Variants in ERLIN1 observed in about 807,000 individuals in gnomAD.
ERLIN1 encodes ER lipid raft associated 1, also known as erlin-1.
A neutral mutation model predicts 46.9 loss-of-function variants in ERLIN1; 24 were observed. The observed-to-expected ratio is 0.51, with a 90% CI of 0.37 to 0.72. The LOEUF is 0.72. Among genes scored for constraint, ERLIN1 ranks in the 30% least tolerant of loss-of-function variants. The probability of loss-of-function intolerance (pLI) is 0.00; values close to 1 mark genes in which losing one functional copy is unlikely to be tolerated. For synonymous variants in ERLIN1, 158 were observed against 143.2 expected (o/e 1.10, Z -0.74); for missense variants, 293 against 417.9 (o/e 0.70, Z 2.61).
intron 8 of ERLIN1, among the ~76,000 whole-genome samples, chr10:100,160,848 G>C (rs1008145086): frequency 6.6e-6 from 1 of 152,138 alleles, no homozygotes; most frequent in African/African-American, 2.4e-5. Flanking sequence ...TCGAGAGGCT[G>C]AGGTGGGAAA....
rs956547614 is a variant in ERLIN1, at chr10:100,154,779, T to G, written c.825+81A>C. 2.6e-5 allele frequency: 28 copies of G among 1,085,218 alleles called. No individual in the cohort carries two copies. The African/African-American group carries it at 3.9e-4, about 15-fold the overall frequency. The allele number at this position is 1,085,218 out of a possible 1,614,324, so 67.2% of individuals were successfully genotyped here. A position where few individuals can be genotyped will look rare whatever the true frequency, so the allele number is the denominator to read the frequency against. On this transcript the variant is annotated intron_variant, in intron 10 of 10. Coordinates refer to ENST00000421367, the MANE Select transcript of ERLIN1 (RefSeq NM_006459.4). Reference sequence around the variant, plus strand: ...CTTTCTTGACAATGGATAAAATCACTTCTATCATATCAGAGCTCCTGAAAA... The same window carrying G: ...CTTTCTTGACAATGGATAAAATCACGTCTATCATATCAGAGCTCCTGAAAA...
intron 8 of ERLIN1, among the ~76,000 whole-genome samples, chr10:100,161,530 A>G (rs1184605426): frequency 2.6e-5 from 4 of 152,162 alleles, no homozygotes; most frequent in Non-Finnish European, 5.9e-5. Context: ...ATCCCAACAC[A>G]ATATTTCACA....
intron 6 of ERLIN1, among the ~76,000 whole-genome samples, chr10:100,168,175 G>A (rs1843753042): frequency 6.6e-6 from 1 of 152,036 alleles, no homozygotes. Flanking sequence ...ACGATACCCC[G>A]CCGCCCCACC....
chr10:100,157,865 C>A (rs935881068), intron 8 of ERLIN1, among the ~76,000 whole-genome samples: 2 of 152,174 alleles, frequency 1.3e-5, no homozygotes, highest in Admixed American at 6.5e-5. Context: ...ATAAAAAGCA[C>A]GACCAGACTT....
intron 6 of ERLIN1, among the ~76,000 whole-genome samples, chr10:100,172,928 A>C (rs1213794051): frequency 6.6e-6 from 1 of 152,176 alleles, no homozygotes; most frequent in Middle Eastern, 3.2e-3. Flanking sequence ...TGACCTTCAC[A>C]TTCACTATCT....
intron 2 of ERLIN1, among the ~76,000 whole-genome samples, chr10:100,182,128 T>C (rs1326111297): frequency 6.6e-6 from 1 of 151,948 alleles, no homozygotes; most frequent in Non-Finnish European, 1.5e-5. Flanking sequence ...CTTAACATAC[T>C]AAGCATGAAG....
Position 100,156,369 on chromosome 10 carries a change from T to C in ERLIN1, c.656-135A>G, listed in dbSNP as rs1014936002. The C allele has an allele frequency of 5.4e-5, 34 of 627,560 alleles. 1 individual carries two copies. The highest frequency in any genetic ancestry group is 3.6e-4 in the South Asian group (19 of 52,726). The allele number at this position is 627,560 out of a possible 1,614,324, so 38.9% of individuals were successfully genotyped here. ...GCTAATTGTTTCACTAAGTTTTATC[T>C]AGTCAGACTGTAAACTACTCAAAGG... On this transcript the variant is annotated intron_variant, in intron 8 of 10. Transcript: ENST00000421367.
intron 6 of ERLIN1, among the ~76,000 whole-genome samples, chr10:100,167,784 T>C (rs560206733): frequency 1.3e-5 from 2 of 152,326 alleles, no homozygotes; most frequent in East Asian, 1.9e-4. Flanking sequence ...AAGACTGAAA[T>C]TGTAAAGTCA....
chr10:100,184,138 A>G (rs1052936303), intron 1 of ERLIN1, among the ~76,000 whole-genome samples: 2 of 152,234 alleles, frequency 1.3e-5, no homozygotes, highest in Non-Finnish European at 2.9e-5. Flanking sequence ...TCTGAGAAAT[A>G]TTTGTTTAAA....
intron 9 of ERLIN1, 59 bp downstream of exon 9, chr10:100,156,086 T>C: frequency 9.3e-7 from 1 of 1,080,128 alleles, no homozygotes; most frequent in Non-Finnish European, 1.4e-6. Flanking sequence ...GCCTGAACCC[T>C]GGAGCAGAGA....
rs1842805161 is a variant in ERLIN1 at position 100,151,629 on chromosome 10, C to G, written c.*502G>C. ...AAGATCATTTCCTGGGGAACTTCAG[C>G]GGCCTGGATCTTAATCACATGGATG... On this transcript the variant is annotated 3_prime_UTR_variant, in exon 11 of 11. Coordinates refer to ENST00000421367, the MANE Select transcript of ERLIN1 (RefSeq NM_006459.4). 1 of 184,086 alleles carries G rather than the reference C, an allele frequency of 5.4e-6. No homozygotes were observed. Among genetic ancestry groups the G allele is most frequent in the Admixed American group, 5.4e-5 (1 of 18,670 alleles). The allele number at this position is 184,086 out of a possible 1,614,324, so 11.4% of individuals were successfully genotyped here.
chr10:100,176,151 G>A, intron 4 of ERLIN1, 81 bp from the exon 5 acceptor site: 2 of 1,279,194 alleles, frequency 1.6e-6, no homozygotes, highest in South Asian at 1.7e-5. Context: ...TAAAAGTCAG[G>A]GTGATATATT....
At chr10:100,183,937 G>T in intron 1 of ERLIN1, 100 bp from the exon 2 acceptor site, 1 of 803,220 alleles carries the variant, frequency 1.2e-6, no homozygotes, top group South Asian at 1.6e-5. Flanking sequence ...TCATGCTGCT[G>T]ACCTACTAAA....
intron 6 of ERLIN1, among the ~76,000 whole-genome samples, chr10:100,171,995 C>T (rs1191521523): frequency 2.0e-5 from 3 of 152,102 alleles, no homozygotes; most frequent in African/African-American, 7.2e-5. Context: ...AAAGGTGATT[C>T]GGTAGTATGT....
chr10:100,151,915 A>AT lies in ERLIN1; in HGVS notation c.*215dup. The stretch of plus-strand genomic sequence containing the variant: ...TGAGTAGCAGTTTAGAAAGGAATAC[A>AT]TATAGGATACTTGATAAGACTGTGG... On this transcript the variant is annotated 3_prime_UTR_variant, in exon 11 of 11. Coordinates refer to ENST00000421367, the MANE Select transcript of ERLIN1 (RefSeq NM_006459.4). The AT allele has an allele frequency of 1.7e-6, 1 of 601,238 alleles. No homozygotes were observed. Among genetic ancestry groups the AT allele is most frequent in the South Asian group, 1.9e-5 (1 of 53,642 alleles). 37.2% of individuals were successfully genotyped at this position (601,238 alleles called of 1,614,324 possible).
At chr10:100,177,097 G>C (rs757503572) in intron 4 of ERLIN1, among the ~76,000 whole-genome samples, 1 of 152,082 alleles carries the variant, frequency 6.6e-6, no homozygotes, top group African/African-American at 2.4e-5. Context: ...ACTCCAGCCT[G>C]GGTGACAGAA....
rs1293216533 is a variant in ERLIN1, at chr10:100,167,333, A to G, written c.563+15T>C. On this transcript the variant is annotated intron_variant, in intron 7 of 10. Transcript: ENST00000421367. ...CCCTAAACAGAAATATTGGGATCCC[A>G]TGCATATTACTCACATTAACTCAAA... is the stretch of plus-strand genomic sequence containing the variant. 1 of 1,589,466 alleles carries G rather than the reference A, an allele frequency of 6.3e-7. No individual in the cohort carries two copies. Among genetic ancestry groups the G allele is most frequent in the African/African-American group, 1.3e-5 (1 of 74,406 alleles).
chr10:100,167,664 C>T (rs990111627), intron 6 of ERLIN1, among the ~76,000 whole-genome samples: 1 of 152,296 alleles, frequency 6.6e-6, no homozygotes, highest in South Asian at 2.1e-4. Flanking sequence ...GAGGAAACAA[C>T]TGCCTTATGA....
rs545934477 is a variant in ERLIN1 at position 100,151,182 on chromosome 10, T to G, written c.*949A>C. The G allele has an allele frequency of 5.9e-5, 9 of 152,614 alleles. No homozygotes were observed. The highest frequency in any genetic ancestry group is 1.3e-4 in the Non-Finnish European group (9 of 68,030). The allele number at this position is 152,614 out of a possible 1,614,324, so 9.5% of individuals were successfully genotyped here. ...AGATCCAGTTTTAAAAATAAAAACT[T>G]CCTGTAATTATGATACAATACTGTG... is the stretch of plus-strand genomic sequence containing the variant. On this transcript the variant is annotated 3_prime_UTR_variant, in exon 11 of 11. Transcript: ENST00000421367.
Sources: gnomAD v4.1 joint callset for allele counts (sites outside exome capture counted in the v4.1 genomes callset) on GRCh38, gnomAD v4.1.1 for gene constraint, MANE v1.5 for transcripts, NCBI Gene and HGNC (gene_info 2026-07-23, HGNC 2026-07-21) for gene names.